The following SHB variants were observed in gnomAD, a reference collection of about 807,000 sequenced individuals.
SHB encodes the protein SH2 domain containing adaptor protein B.
SHB carries 20 observed loss-of-function variants against 52.3 expected under a neutral mutation model. That is an observed-to-expected ratio of 0.38 (90% CI 0.27 to 0.56). The LOEUF (loss-of-function observed/expected upper bound fraction) is 0.56, where lower values mean the gene tolerates loss of function less well. Ranked by LOEUF, SHB falls within the 20% of genes least tolerant of loss-of-function variation. SHB has a pLI of 0.71. For missense variants in SHB, 825 were observed against 723.3 expected, an observed-to-expected ratio of 1.14 and a Z score of -1.61; for synonymous variants, 397 against 316.5, an observed-to-expected ratio of 1.25 and a Z score of -2.70.
chr9:38,048,557 C>T (rs1362779429), intron 1 of SHB, among the ~76,000 whole-genome samples: 1 of 152,066 alleles, frequency 6.6e-6, no homozygotes, highest in Non-Finnish European at 1.5e-5. Flanking sequence ...TCTCTTCAGC[C>T]CTTGAGGTGG....
chr9:38,029,143 C>T (rs1205196269), intron 1 of SHB, among the ~76,000 whole-genome samples: 1 of 152,202 alleles, frequency 6.6e-6, no homozygotes, highest in African/African-American at 2.4e-5. Context: ...GAAATCTCCA[C>T]CAGGCCCAAA....
At chr9:37,945,460 T>C (rs893308204) in intron 5 of SHB, among the ~76,000 whole-genome samples, 17 of 152,138 alleles carry the variant, frequency 1.1e-4, no homozygotes, top group African/African-American at 4.1e-4. Context: ...CTCCCCTGAG[T>C]GGGTTGCCTG....
At chr9:37,951,879 T>G (rs967537760) in intron 4 of SHB, among the ~76,000 whole-genome samples, 7 of 151,498 alleles carry the variant, frequency 4.6e-5, no homozygotes, top group Non-Finnish European at 1.0e-4. Context: ...AGACTAGGAG[T>G]CAGGCTGGGC....
chr9:37,951,047 C>G (rs1208080214), intron 4 of SHB, among the ~76,000 whole-genome samples: 1 of 152,208 alleles, frequency 6.6e-6, no homozygotes, highest in Non-Finnish European at 1.5e-5. Context: ...CCATGCAATT[C>G]CTGCCACTCA....
chr9:37,927,449 A>C (rs1832263466), intron 5 of SHB, among the ~76,000 whole-genome samples: 1 of 152,238 alleles, frequency 6.6e-6, no homozygotes, highest in Non-Finnish European at 1.5e-5. Flanking sequence ...AGCCTACCCG[A>C]GACGCCAGGG....
chr9:37,947,345 C>T (rs1278764554), intron 5 of SHB, among the ~76,000 whole-genome samples: 1 of 152,200 alleles, frequency 6.6e-6, no homozygotes, highest in Non-Finnish European at 1.5e-5. Context: ...GCTTGGGTAG[C>T]TCTAATTCTT....
intron 2 of SHB, among the ~76,000 whole-genome samples, chr9:38,013,215 C>T (rs1375522220): frequency 6.6e-6 from 1 of 152,202 alleles, no homozygotes; most frequent in Non-Finnish European, 1.5e-5. Context: ...TGCTAGAATG[C>T]TTCTTTGGAG....
chr9:38,061,847 G>C (rs888007129), intron 1 of SHB, among the ~76,000 whole-genome samples: 3 of 152,250 alleles, frequency 2.0e-5, no homozygotes, highest in Non-Finnish European at 2.9e-5. Flanking sequence ...GGAATGCTTG[G>C]TGTTAGAATG....
At chr9:37,946,420 A>T (rs1461400219) in intron 5 of SHB, among the ~76,000 whole-genome samples, 1 of 152,224 alleles carries the variant, frequency 6.6e-6, no homozygotes, top group Non-Finnish European at 1.5e-5. Context: ...TGAGAAATGT[A>T]TTCTGCAGGA....
chr9:38,048,798 T>C (rs1452479708), intron 1 of SHB, among the ~76,000 whole-genome samples: 1 of 152,196 alleles, frequency 6.6e-6, no homozygotes. Flanking sequence ...GCTGGATATT[T>C]AGGTAATTTC....
chr9:38,066,705 A>G (rs979535084), intron 1 of SHB, among the ~76,000 whole-genome samples: 2 of 152,102 alleles, frequency 1.3e-5, no homozygotes, highest in Non-Finnish European at 2.9e-5. Flanking sequence ...CGGGGAGGGG[A>G]GGCCAGGCAG....
chr9:37,999,451 TA>T (rs1292226173), intron 2 of SHB, among the ~76,000 whole-genome samples: 2 of 151,998 alleles, frequency 1.3e-5, no homozygotes, highest in Non-Finnish European at 2.9e-5. Context: ...TCAAATACAC[TA>T]AAAAAAATTA....
intron 3 of SHB, among the ~76,000 whole-genome samples, chr9:37,957,616 C>T (rs1407426558): frequency 6.6e-5 from 10 of 152,316 alleles, no homozygotes; most frequent in South Asian, 2.1e-4. Context: ...GTAGTCCACC[C>T]GCGATGACAC....
intron 2 of SHB, among the ~76,000 whole-genome samples, chr9:37,979,778 G>A (rs2117980963): frequency 6.6e-6 from 1 of 152,266 alleles, no homozygotes; most frequent in South Asian, 2.1e-4. Flanking sequence ...CCAACATGGT[G>A]AAACCCCATC....
intron 3 of SHB, among the ~76,000 whole-genome samples, chr9:37,963,173 C>T (rs535903067): frequency 7.2e-5 from 11 of 152,100 alleles, no homozygotes; most frequent in African/African-American, 9.7e-5. Context: ...CAGTGGCCCC[C>T]GGGGATAGGG....
chr9:38,040,132 A>T (rs146851854), intron 1 of SHB, among the ~76,000 whole-genome samples: 234 of 152,344 alleles, frequency 1.5e-3, no homozygotes, highest in African/African-American at 5.3e-3. Flanking sequence ...TGCTGTGTGC[A>T]GGAAGGCGAC....
intron 1 of SHB, among the ~76,000 whole-genome samples, chr9:38,052,607 T>C (rs933254219): frequency 6.6e-6 from 1 of 152,198 alleles, no homozygotes; most frequent in Non-Finnish European, 1.5e-5. Flanking sequence ...CATGTCCTCC[T>C]AACTGGGTCC....
At chr9:37,993,282 T>TA (rs1412951771) in intron 2 of SHB, among the ~76,000 whole-genome samples, 1 of 152,038 alleles carries the variant, frequency 6.6e-6, no homozygotes, top group African/African-American at 2.4e-5. Flanking sequence ...GTGTGTGTGT[T>TA]AAACAAGAAA....
chr9:37,924,641 C>T (rs1476308689), intron 5 of SHB, among the ~76,000 whole-genome samples: 1 of 152,086 alleles, frequency 6.6e-6, no homozygotes, highest in Non-Finnish European at 1.5e-5. Flanking sequence ...AGGTCAAAAC[C>T]ATCTAAGGCT....
Sources: gnomAD v4.1 joint callset for allele counts (sites outside exome capture counted in the v4.1 genomes callset) on GRCh38, gnomAD v4.1.1 for gene constraint, MANE v1.5 for transcripts, NCBI Gene and HGNC (gene_info 2026-07-23, HGNC 2026-07-21) for gene names.